Variants in PARM1 observed in about 807,000 individuals in gnomAD.
PARM1 encodes WSC4, cell wall integrity and stress response component 4 homolog.
A neutral mutation model predicts 24.6 loss-of-function variants in PARM1; 14 were observed. The ratio of observed to expected loss-of-function variants is 0.57; its 90% CI spans 0.38 to 0.89. The LOEUF (loss-of-function observed/expected upper bound fraction) is 0.89, where lower values mean the gene tolerates loss of function less well. PARM1 is among the 40% of genes least tolerant of loss of function. PARM1 has a pLI of 0.00. For missense variants in PARM1, 362 were observed against 380.4 expected (o/e 0.95, Z 0.40); for synonymous variants, 179 against 156.6 (o/e 1.14, Z -1.07).
intron 1 of PARM1, among the ~76,000 whole-genome samples, chr4:74,980,128 G>T (rs772978662): frequency 6.6e-6 from 1 of 152,078 alleles, no homozygotes; most frequent in Non-Finnish European, 1.5e-5. Context: ...GCAATCAGGC[G>T]AGAGAAAGAA....
chr4:74,967,223 C>CATA (rs1721923121), intron 1 of PARM1: 1 of 152,136 alleles, frequency 6.6e-6, no homozygotes, highest in African/African-American at 2.4e-5. Context: ...GCTCAGTCTC[C>CATA]ACTTTGCGTT....
chr4:75,002,923 C>T (rs1242318795), intron 1 of PARM1, among the ~76,000 whole-genome samples: 1 of 152,220 alleles, frequency 6.6e-6, no homozygotes, highest in Non-Finnish European at 1.5e-5. Context: ...ATGGGCACAT[C>T]TTAATTTGTA....
intron 1 of PARM1, chr4:74,969,362 TAAATGCCAGAA>T (rs1339446759): frequency 6.6e-6 from 1 of 152,214 alleles, no homozygotes; most frequent in Non-Finnish European, 1.5e-5. Context: ...AGAAGGGACT[TAAATGCCAGAA>T]AATATAGTAC....
chr4:74,976,936 C>T (rs952110289), intron 1 of PARM1, among the ~76,000 whole-genome samples: 1 of 152,134 alleles, frequency 6.6e-6, no homozygotes, highest in African/African-American at 2.4e-5. Context: ...GAAGACCCTA[C>T]AAAAACCCTA....
In PARM1 at chr4:75,002,803, A is replaced by G. The variant is rs543152548; in HGVS notation, c.44-9622A>G. Reference sequence around the variant, plus strand: ...CTTGGCCTCTGGTGGACCCAGCCGCAGCTTTGGCCTACACTGCCCCAGCAG... The same window carrying G: ...CTTGGCCTCTGGTGGACCCAGCCGCGGCTTTGGCCTACACTGCCCCAGCAG... On this transcript the variant is annotated intron_variant, in intron 1 of 3. Transcript: ENST00000307428. 1.6e-4 allele frequency among the ~76,000 whole-genome samples: 24 copies of G among 152,304 alleles called. 2 individuals are homozygous for G. In the South Asian group the frequency reaches 4.8e-3, roughly 30 times the overall value.
chr4:74,969,777 C>G (rs1721985750), intron 1 of PARM1: 1 of 152,220 alleles, frequency 6.6e-6, no homozygotes, highest in Non-Finnish European at 1.5e-5. Context: ...TCCTTCTCTT[C>G]TGGGTGCTCT....
chr4:74,970,486 C>G (rs1165158334), intron 1 of PARM1: 1 of 152,240 alleles, frequency 6.6e-6, no homozygotes, highest in Non-Finnish European at 1.5e-5. Flanking sequence ...AGTGCTCTAG[C>G]TGTGTGGCAG....
intron 2 of PARM1, among the ~76,000 whole-genome samples, chr4:75,015,992 C>T (rs542501499): frequency 6.6e-6 from 1 of 152,220 alleles, no homozygotes; most frequent in African/African-American, 2.4e-5. Context: ...CATTTTGTCT[C>T]ATTCTGTGTG....
intron 1 of PARM1, among the ~76,000 whole-genome samples, chr4:74,935,999 A>T (rs1010108650): frequency 1.3e-5 from 2 of 151,800 alleles, no homozygotes; most frequent in African/African-American, 4.8e-5. Flanking sequence ...AGGCAGCTAA[A>T]TTTTTTTATT....
intron 2 of PARM1, among the ~76,000 whole-genome samples, chr4:75,020,493 C>T (rs992050500): frequency 1.8e-4 from 19 of 104,502 alleles, no homozygotes; most frequent in African/African-American, 1.1e-3. Flanking sequence ...CCCCTCATTT[C>T]CCCCCCCCCG....
At chr4:74,942,479 C>T (rs1352535124) in intron 1 of PARM1, among the ~76,000 whole-genome samples, 1 of 152,204 alleles carries the variant, frequency 6.6e-6, no homozygotes, top group Non-Finnish European at 1.5e-5. Flanking sequence ...CAAAACTGAG[C>T]TCCTAGACTT....
intron 2 of PARM1, among the ~76,000 whole-genome samples, chr4:75,019,339 A>G (rs943307002): frequency 2.0e-5 from 3 of 152,244 alleles, no homozygotes; most frequent in South Asian, 2.1e-4. Flanking sequence ...CAGTTCTTGC[A>G]TATGCAAACT....
intron 1 of PARM1, among the ~76,000 whole-genome samples, chr4:75,004,721 C>T (rs1290971067): frequency 6.6e-6 from 1 of 152,170 alleles, no homozygotes; most frequent in Non-Finnish European, 1.5e-5. Context: ...AGGGTTCATA[C>T]AGTCTAATAA....
intron 1 of PARM1, among the ~76,000 whole-genome samples, chr4:74,975,454 A>G (rs1560780806): frequency 2.0e-5 from 3 of 152,258 alleles, no homozygotes; most frequent in Admixed American, 6.5e-5. Context: ...AGACATAACT[A>G]TGGCTGTGAA....
intron 1 of PARM1, among the ~76,000 whole-genome samples, chr4:74,946,024 G>A (rs531920065): frequency 9.2e-5 from 14 of 152,188 alleles, no homozygotes; most frequent in African/African-American, 3.1e-4. Context: ...TGGGAGTGTC[G>A]CATTTTTAAA....
chr4:74,958,298 C>T (rs554621566), intron 1 of PARM1, among the ~76,000 whole-genome samples: 2 of 152,306 alleles, frequency 1.3e-5, no homozygotes, highest in South Asian at 4.1e-4. Context: ...AATTAAGGCA[C>T]AGCCTTCATC....
intron 2 of PARM1, among the ~76,000 whole-genome samples, chr4:75,018,479 T>C (rs900236389): frequency 6.6e-6 from 1 of 152,190 alleles, no homozygotes; most frequent in African/African-American, 2.4e-5. Context: ...TATAACTGTT[T>C]TCTGGTTTGT....
At chr4:75,015,526 C>T (rs1156286995) in intron 2 of PARM1, among the ~76,000 whole-genome samples, 1 of 152,168 alleles carries the variant, frequency 6.6e-6, no homozygotes, top group Non-Finnish European at 1.5e-5. Flanking sequence ...ATTGCATTTA[C>T]CAAGACCCTC....
intron 1 of PARM1, among the ~76,000 whole-genome samples, chr4:75,008,126 A>C (rs1194617599): frequency 6.6e-6 from 1 of 152,266 alleles, no homozygotes; most frequent in African/African-American, 2.4e-5. Flanking sequence ...CCCAGGAGTC[A>C]GTGCATTATG....
Sources: allele counts gnomAD v4.1 joint callset (sites outside exome capture counted in the v4.1 genomes callset), GRCh38; gene constraint gnomAD v4.1.1; transcripts MANE v1.5; gene names NCBI Gene and HGNC (gene_info 2026-07-23, HGNC 2026-07-21).